The following SCLY variants were observed in gnomAD, a reference collection of about 807,000 sequenced individuals.
SCLY encodes putative selenocysteine lyase.
A neutral mutation model predicts 50.1 loss-of-function variants in SCLY; 38 were observed. That is an observed-to-expected ratio of 0.76 (90% CI 0.59 to 0.99). The LOEUF is 0.99. Ranked by LOEUF, SCLY falls within the 50% of genes least tolerant of loss-of-function variation. SCLY has a pLI of 0.00. For synonymous variants in SCLY, 243 were observed against 249.4 expected (o/e 0.97, Z 0.24); for missense variants, 600 against 620.0 (o/e 0.97, Z 0.34).
intron 6 of SCLY, among the ~76,000 whole-genome samples, chr2:238,082,482 C>T (rs1450383006): frequency 1.3e-5 from 2 of 152,114 alleles, no homozygotes; most frequent in Non-Finnish European, 2.9e-5. Context: ...GAGGAGACGT[C>T]GAGATCTCAG....
chr2:238,094,604 C>T, intron 10 of SCLY, 82 bp downstream of exon 10: 1 of 1,186,642 alleles, frequency 8.4e-7, no homozygotes, highest in South Asian at 1.2e-5. Context: ...CAGTGACTCC[C>T]ACTCGCCCTG....
intron 4 of SCLY, among the ~76,000 whole-genome samples, chr2:238,076,725 A>T (rs201573438): frequency 0.37 from 48,270 of 129,582 alleles, 8,988 homozygotes; most frequent in Non-Finnish European, 0.46. Flanking sequence ...AATAAATTAA[A>T]AAAAAAAAAA....
intron 4 of SCLY, among the ~76,000 whole-genome samples, chr2:238,076,815 T>C (rs2065180014): frequency 6.6e-6 from 1 of 152,222 alleles, no homozygotes; most frequent in Admixed American, 6.5e-5. Context: ...TTTTCTTCCA[T>C]AAGAGCTAGA....
Position 238,098,491 on chromosome 2 carries a change from C to A in SCLY, c.*136C>A, listed in dbSNP as rs889885583. The A allele has an allele frequency of 6.0e-6, 6 of 994,300 alleles. No individual in the cohort carries two copies. In the Admixed American group the frequency reaches 1.4e-4, roughly 24 times the overall value. 61.6% of individuals were successfully genotyped at this position (994,300 alleles called of 1,614,324 possible). On this transcript the variant is annotated 3_prime_UTR_variant, in exon 12 of 12. Transcript: ENST00000254663. ...TCTGCATTTTGTCCTGGAGTGCCAGCGAGTGTGCACCCCCAGTTTCCTTCC... is the reference window on the plus strand; with the variant it reads ...TCTGCATTTTGTCCTGGAGTGCCAGAGAGTGTGCACCCCCAGTTTCCTTCC...
chr2:238,077,135 A>C (rs76887142), intron 4 of SCLY, among the ~76,000 whole-genome samples: 47,977 of 152,012 alleles, frequency 0.32, 9,371 homozygotes, highest in Admixed American at 0.43. Context: ...TCTCCCTTCA[A>C]ACCTGTCAGT....
Position 238,069,541 on chromosome 2 carries a change from G to A in SCLY, c.484+64G>A. 2.8e-6 allele frequency: 4 copies of A among 1,448,436 alleles called. No individual in the cohort carries two copies. The highest frequency in any genetic ancestry group is 3.7e-6 in the Non-Finnish European group (4 of 1,075,686). 89.7% of individuals were successfully genotyped at this position (1,448,436 alleles called of 1,614,324 possible). ...AGCTCCAGCTGCGAGGCGGGAAGTG[G>A]CCTGCGAGCAGAGCCCGGGATCCGC... On this transcript the variant is annotated intron_variant, in intron 4 of 11. Transcript: ENST00000254663. This position sits in a 1 kb window ranked among gnomAD's most constrained non-coding sequence, Gnocchi z 5.0.
intron 4 of SCLY, chr2:238,080,979 G>A (rs1244214751): frequency 6.6e-6 from 1 of 152,216 alleles, no homozygotes; most frequent in Non-Finnish European, 1.5e-5. Flanking sequence ...TTTTATTTGA[G>A]ACAGTGTGTT....
At chr2:238,063,190 A>C (rs72979093) in intron 1 of SCLY, among the ~76,000 whole-genome samples, 47,439 of 151,294 alleles carry the variant, frequency 0.31, 9,219 homozygotes, top group Admixed American at 0.43. Context: ...CGGGAAGGGG[A>C]CCTGGAGGCT....
chr2:238,082,893 A>G (rs1576671523), intron 6 of SCLY: 2 of 329,484 alleles, frequency 6.1e-6, no homozygotes, highest in Admixed American at 8.1e-5. Flanking sequence ...GCTGGTTCCA[A>G]CCCCTCTCTA....
chr2:238,061,423 G>A, intron 1 of SCLY: 1 of 602,986 alleles, frequency 1.7e-6, no homozygotes, highest in Non-Finnish European at 3.1e-6. Flanking sequence ...GAGCCTGCCA[G>A]GAAGAGGGCA....
intron 4 of SCLY, among the ~76,000 whole-genome samples, chr2:238,072,287 T>A (rs1278255600): frequency 1.3e-5 from 2 of 152,236 alleles, no homozygotes; most frequent in African/African-American, 4.8e-5. Context: ...TGTCTGTCAG[T>A]TGATAGACAT....
chr2:238,087,969 A>G, intron 7 of SCLY, among the ~76,000 whole-genome samples: 1 of 152,110 alleles, frequency 6.6e-6, no homozygotes, highest in Non-Finnish European at 1.5e-5. Flanking sequence ...GTACATGCCT[A>G]TAATCCCAGC....
intron 8 of SCLY, chr2:238,093,513 G>C (rs1421732769): frequency 3.2e-6 from 1 of 307,704 alleles, no homozygotes; most frequent in Non-Finnish European, 6.3e-6. Context: ...CCCACCTTGG[G>C]CCTGCGAGGT....
intron 4 of SCLY, among the ~76,000 whole-genome samples, chr2:238,077,252 T>C (rs2065183363): frequency 6.6e-6 from 1 of 152,266 alleles, no homozygotes; most frequent in South Asian, 2.1e-4. Flanking sequence ...TGTCCAACTA[T>C]ATTGCTGGTA....
intron 7 of SCLY, among the ~76,000 whole-genome samples, chr2:238,089,904 G>GA (rs2065344017): frequency 2.0e-5 from 3 of 152,034 alleles, no homozygotes; most frequent in African/African-American, 7.2e-5. Context: ...ATCCATAAAA[G>GA]GAAAAATTGA....
At chr2:238,094,875 T>C (rs1432752242) in intron 10 of SCLY, 1 of 236,248 alleles carries the variant, frequency 4.2e-6, no homozygotes, top group African/African-American at 2.3e-5. Flanking sequence ...TAATTAAATA[T>C]TTGAGTGAGG....
rs1691332256 is a variant in SCLY, at chr2:238,098,624, C to CCACATGGGACT, written c.*269_*270insCACATGGGACT. ...CCACATAGGACCGCCCACATGGGACCGCCCACATGGGACCGCCCACATGGG... is the reference window on the plus strand; with the variant it reads ...CCACATAGGACCGCCCACATGGGACCCACATGGGACTGCCCACATGGGACCGCCCACATGGG... On this transcript the variant is annotated 3_prime_UTR_variant, in exon 12 of 12. Transcript: ENST00000254663. The CCACATGGGACT allele has an allele frequency of 2.9e-6, 1 of 349,538 alleles. No homozygotes were observed. The highest frequency in any genetic ancestry group is 5.3e-6 in the Non-Finnish European group (1 of 187,142). 21.7% of individuals were successfully genotyped at this position (349,538 alleles called of 1,614,324 possible).
intron 8 of SCLY, 168 bp from the exon 9 acceptor site, chr2:238,093,693 G>A (rs901233542): frequency 1.5e-6 from 1 of 660,002 alleles, no homozygotes; most frequent in African/African-American, 1.8e-5. Flanking sequence ...GTCAGTTTCT[G>A]GGGCACTTCC....
chr2:238,080,554 C>T (rs1474040316), intron 4 of SCLY: 2 of 152,428 alleles, frequency 1.3e-5, no homozygotes, highest in African/African-American at 2.4e-5. Flanking sequence ...GTGGACCCCC[C>T]CAACTTTTCT....
Sources: gnomAD v4.1 joint callset for allele counts (sites outside exome capture counted in the v4.1 genomes callset) on GRCh38, gnomAD v4.1.1 for gene constraint, Gnocchi (gnomAD v3.1) non-coding constraint, MANE v1.5 for transcripts, NCBI Gene and HGNC (gene_info 2026-07-23, HGNC 2026-07-21) for gene names.